Variants in TMEM235 observed in about 807,000 individuals in gnomAD.
TMEM235 encodes claudin-27.
TMEM235 carries 23 observed loss-of-function variants against 22.9 expected under a neutral mutation model. The ratio of observed to expected loss-of-function variants is 1.00; its 90% CI spans 0.72 to 1.42. The LOEUF is 1.42. Among genes scored for constraint, TMEM235 ranks in the 40% most tolerant of loss-of-function variants. The pLI is 0.00. For synonymous variants in TMEM235, 137 were observed against 140.5 expected (o/e 0.98, Z 0.17); for missense variants, 308 against 299.5 (o/e 1.03, Z -0.21).
chr17:78,233,184 C>T (rs2076603732), intron 2 of TMEM235, among the ~76,000 whole-genome samples: 2 of 152,210 alleles, frequency 1.3e-5, no homozygotes, highest in Non-Finnish European at 2.9e-5. Flanking sequence ...GCTCTGCACG[C>T]GTGTGAGAAC....
exon 6 of TMEM235, chr17:78,239,912 A>G (rs1342515372): frequency 6.4e-7 from 1 of 1,550,906 alleles, no homozygotes; most frequent in Admixed American, 2.0e-5. Context: ...CTTGGTGGAG[A>G]AGAGGCTGAT....
At chr17:78,231,952 C>A (rs1001365138) in exon 2 of TMEM235, 1 of 1,057,916 alleles carries the variant, frequency 9.5e-7, no homozygotes, top group African/African-American at 1.7e-5. Flanking sequence ...CCCCGGCTCC[C>A]GGCTCCGCGC....
At chr17:78,232,553 G>A (rs1472202515) in intron 2 of TMEM235, among the ~76,000 whole-genome samples, 1 of 152,210 alleles carries the variant, frequency 6.6e-6, no homozygotes, top group Non-Finnish European at 1.5e-5. Flanking sequence ...CACGCTCCCC[G>A]GGGTTTGGGC....
rs549621918 is a variant in TMEM235 at position 78,238,193 on chromosome 17, A to T, written c.410-831A>T. Among the ~76,000 whole-genome samples, 2 of 152,346 alleles carry T rather than the reference A, an allele frequency of 1.3e-5. No individual in the cohort carries two copies. The highest frequency in any genetic ancestry group is 4.8e-5 in the African/African-American group (2 of 41,578). ...CTCAGTGGACAGGAAAATGCCCTGG[A>T]GGCATGGGCCGAGTCCCCTACCTAG... On this transcript the variant is annotated intron_variant, in intron 4 of 5. Transcript: ENST00000421688. This position sits in a 1 kb window ranked among gnomAD's most constrained non-coding sequence, Gnocchi z 4.3.
chr17:78,233,913 C>T (rs779048712), exon 3 of TMEM235: 13 of 1,535,938 alleles, frequency 8.5e-6, no homozygotes, highest in Admixed American at 2.0e-5. Flanking sequence ...GGCTGCATCC[C>T]GCTGGTCGAC....
In TMEM235 at chr17:78,238,648, G is replaced by A. The variant is rs1482181231; in HGVS notation, c.410-376G>A. 1.3e-5 allele frequency among the ~76,000 whole-genome samples: 2 copies of A among 151,168 alleles called. No individual in the cohort carries two copies. The highest frequency in any genetic ancestry group is 1.3e-4 in the Admixed American group (2 of 15,096). On this transcript the variant is annotated intron_variant, in intron 4 of 5. Transcript: ENST00000421688. The surrounding 1 kb of genome is among the most constrained non-coding windows in gnomAD (Gnocchi z 4.3). ...CATGTGTGTGCTGGGGGCCATGGAG[G>A]GTACAGAGTGTGTGGGGGGCAGTTA... is the stretch of plus-strand genomic sequence containing the variant.
At chr17:78,235,214 A>G (rs8078121) in intron 4 of TMEM235, among the ~76,000 whole-genome samples, 98,313 of 152,130 alleles carry the variant, frequency 0.65, 31,911 homozygotes, top group Middle Eastern at 0.76. Flanking sequence ...TGACAATCAC[A>G]GGCGGAAGGC....
chr17:78,235,157 C>G (rs138741937), intron 4 of TMEM235, among the ~76,000 whole-genome samples: 1,710 of 152,276 alleles, frequency 0.011, 34 homozygotes, highest in African/African-American at 0.039. Flanking sequence ...GTTCTGCATG[C>G]TGTAGAGGAA....
At chr17:78,233,446 G>T (rs1000571248) in intron 2 of TMEM235, among the ~76,000 whole-genome samples, 1 of 152,180 alleles carries the variant, frequency 6.6e-6, no homozygotes. Context: ...GGTGGCCCAC[G>T]CCTGTAATCC....
At chr17:78,239,368 G>A (rs929732831) in intron 5 of TMEM235, 95 bp downstream of exon 4, 15 of 1,399,872 alleles carry the variant, frequency 1.1e-5, no homozygotes, top group East Asian at 2.5e-5. Context: ...TCTGGGCCTC[G>A]CTGGGGTCCT....
rs541066871 is a variant in TMEM235, at chr17:78,238,606, G to A, written c.410-418G>A. 1.9e-4 allele frequency among the ~76,000 whole-genome samples: 29 copies of A among 150,446 alleles called. No homozygotes were observed. The highest frequency in any genetic ancestry group is 4.2e-4 in the South Asian group (2 of 4,730). On this transcript the variant is annotated intron_variant, in intron 4 of 5. Coordinates refer to ENST00000421688, the Ensembl canonical transcript of TMEM235. This position sits in a 1 kb window ranked among gnomAD's most constrained non-coding sequence, Gnocchi z 4.3. ...TGTGTGAATGTGTGCAAATGTGTTC[G>A]TGTAGGTGTGCATGTGCATGTGTGT...
At position 78,238,242 on chromosome 17, in the gene TMEM235, C is replaced by T. The variant is rs776066394; in HGVS notation, c.410-782C>T. ...AGCTCGTTGCTGGACCCTGAACTGC[C>T]GGATGAAGCCTGGTGCCCGCCACCC... On this transcript the variant is annotated intron_variant, in intron 4 of 5. Transcript: ENST00000421688. This position sits in a 1 kb window ranked among gnomAD's most constrained non-coding sequence, Gnocchi z 4.3. 7.9e-4 allele frequency among the ~76,000 whole-genome samples: 120 copies of T among 152,202 alleles called. No individual in the cohort carries two copies. Among genetic ancestry groups the T allele is most frequent in the Non-Finnish European group, 1.5e-3 (102 of 68,038 alleles).
At position 78,239,858 on chromosome 17, in the gene TMEM235, G is replaced by C. The variant is rs1260284455; in HGVS notation, c.*66G>C. ...CCAGAGAGATGCCGTCTCAGGCCAA[G>C]GCCTCCCTGGCCTCTGTTCTGTCCA... On this transcript the variant is annotated 3_prime_UTR_variant, in exon 6 of 6. Coordinates refer to ENST00000421688, the Ensembl canonical transcript of TMEM235. 27 of 1,551,334 alleles carry C rather than the reference G, an allele frequency of 1.7e-5. No individual in the cohort carries two copies. In the Admixed American group the frequency reaches 5.3e-4, roughly 30 times the overall value.
In TMEM235 at chr17:78,239,963, G is replaced by T. The variant is rs756899961; in HGVS notation, c.*171G>T. On this transcript the variant is annotated 3_prime_UTR_variant, in exon 6 of 6. Transcript: ENST00000421688. The stretch of plus-strand genomic sequence containing the variant: ...CCCCTCCGATTTGCAGGGGTGGGGG[G>T]CAAGGAGCTGAGCGATCCAGATGTA... The T allele has an allele frequency of 2.6e-6, 4 of 1,548,762 alleles. No homozygotes were observed. The African/African-American group carries it at 4.1e-5, about 16-fold the overall frequency.
rs751011442 is a variant in TMEM235 at position 78,238,799 on chromosome 17, C to T, written c.410-225C>T. ...GCTCCACTCCGCCAAATGCAGTTGA[C>T]TACCTTTAGCCCTGTCCAACCCCAA... is the stretch of plus-strand genomic sequence containing the variant. On this transcript the variant is annotated intron_variant, in intron 4 of 5. Transcript: ENST00000421688. The surrounding 1 kb of genome is among the most constrained non-coding windows in gnomAD (Gnocchi z 4.3). Among the ~76,000 whole-genome samples, 3 of 152,018 alleles carry T rather than the reference C, an allele frequency of 2.0e-5. No individual in the cohort carries two copies. The highest frequency in any genetic ancestry group is 4.8e-5 in the African/African-American group (2 of 41,360).
At chr17:78,239,171 C>A in exon 5 of TMEM235, 2 of 1,542,982 alleles carry the variant, frequency 1.3e-6, no homozygotes, top group African/African-American at 2.7e-5. Flanking sequence ...GGCTCCTGTG[C>A]CTTGGAGGCA....
At chr17:78,234,489 C>G (rs530486901) in intron 3 of TMEM235, 104 bp from the exon 3 acceptor site, 1 of 1,485,226 alleles carries the variant, frequency 6.7e-7, no homozygotes, top group Non-Finnish European at 9.0e-7. Context: ...GGGCGTCAGC[C>G]GCTTTTCCTG....
chr17:78,232,164 G>A, exon 2 of TMEM235: 1 of 1,486,812 alleles, frequency 6.7e-7, no homozygotes, highest in Non-Finnish European at 8.9e-7. Context: ...CCTGGCCCGG[G>A]CGCGCAGAGC....
Position 78,237,244 on chromosome 17 carries a change from G to GCCCTCAC in TMEM235, c.410-1772_410-1766dup, listed in dbSNP as rs961027163. ...AAGGCACCTGCCCAGGGTCAGCTCG[G>GCCCTCAC]CCCTCACCCCTCACTAGCACTGCAA... On this transcript the variant is annotated intron_variant, in intron 4 of 5. Coordinates refer to ENST00000421688, the Ensembl canonical transcript of TMEM235. The surrounding 1 kb of genome is among the most constrained non-coding windows in gnomAD (Gnocchi z 4.7). Among the ~76,000 whole-genome samples, 4 of 152,110 alleles carry GCCCTCAC rather than the reference G, an allele frequency of 2.6e-5. No homozygotes were observed. Among genetic ancestry groups the GCCCTCAC allele is most frequent in the African/African-American group, 9.7e-5 (4 of 41,428 alleles).
Sources: gnomAD v4.1 joint callset for allele counts (sites outside exome capture counted in the v4.1 genomes callset) on GRCh38, gnomAD v4.1.1 for gene constraint, Gnocchi (gnomAD v3.1) non-coding constraint, MANE v1.5 for transcripts, NCBI Gene and HGNC (gene_info 2026-07-23, HGNC 2026-07-21) for gene names.